Variants in CELF3 observed in about 807,000 individuals in gnomAD.
CELF3 encodes CAG repeat domain.
In CELF3, 26 loss-of-function variants were observed where a neutral mutation model predicts 59.6. The ratio of observed to expected loss-of-function variants is 0.44; its 90% confidence interval spans 0.32 to 0.61. The LOEUF (loss-of-function observed/expected upper bound fraction) is 0.61. Ranked by LOEUF, CELF3 falls within the 20% of genes least tolerant of loss-of-function variation. CELF3 has a pLI of 0.06. For missense variants in CELF3, 387 were observed against 627.2 expected (o/e 0.62, Z 4.09); for synonymous variants, 245 against 250.7 (o/e 0.98, Z 0.22).
In CELF3 at chr1:151,706,674, T is replaced by C; in HGVS notation, c.983A>G (p.Tyr328Cys). ...CCCTGGCTAGGGCGCCTCACCTGTGTAGTGCTGCATCCCCGCGTAGGCCTG... is the reference window on the plus strand; with the variant it reads ...CCCTGGCTAGGGCGCCTCACCTGTGCAGTGCTGCATCCCCGCGTAGGCCTG... ...LQQAYAGMQH[Y>C]TAAYPAAYSL... Residue 328 changes from tyrosine (Y) to cysteine (C), a missense_variant, in exon 9 of 13, where the codon TAC becomes TGC. Physicochemically the swap from Tyr to Cys is radical, Grantham distance 194. Around this residue, in one of 3 missense-constraint regions of CELF3, gnomAD observed 131 missense variants for 153.7 expected, o/e 0.85. Transcript: ENST00000290583. 1 of 1,551,316 alleles carries C rather than the reference T, an allele frequency of 6.4e-7. No individual in the cohort carries two copies.
rs2102770205 is a variant in CELF3 at position 151,705,841 on chromosome 1, G to T, written c.1251C>A (p.Thr417=). The change falls in exon 11 of 13, where the codon ACC becomes ACA. Residue 417 remains threonine (T), a synonymous_variant. Transcript: ENST00000290583. This position sits in a 1 kb window ranked among gnomAD's most constrained non-coding sequence, Gnocchi z 5.1. ...ISAKVFVDRA[T]NQSKCFGFVS... ...TCTTACCAAAACATTTGCTTTGATT[G>T]GTGGCTCGGTCAACAAAGACTTTGG... is the stretch of plus-strand genomic sequence containing the variant. 1 of 1,614,154 alleles carries T rather than the reference G, an allele frequency of 6.2e-7. No individual in the cohort carries two copies. The highest frequency in any genetic ancestry group is 1.6e-4 in the Middle Eastern group (1 of 6,062).
chr1:151,715,697 G>A (rs533553282), intron 1 of CELF3, 179 bp downstream of exon 1: 21 of 1,541,020 alleles, frequency 1.4e-5, no homozygotes, highest in Middle Eastern at 1.7e-4. Flanking sequence ...GTCCTTCACC[G>A]GGGTTTCCTG....
rs1486565909 is a variant in CELF3 at position 151,709,650 on chromosome 1, T to C, written c.277+93A>G. The C allele has an allele frequency of 1.6e-6, 2 of 1,284,840 alleles. No homozygotes were observed. Among genetic ancestry groups the C allele is most frequent in the South Asian group, 1.2e-5 (1 of 84,340 alleles). 79.6% of individuals were successfully genotyped at this position (1,284,840 alleles called of 1,614,324 possible). On this transcript the variant is annotated intron_variant, in intron 3 of 12. Transcript: ENST00000290583. The surrounding 1 kb of genome is among the most constrained non-coding windows in gnomAD (Gnocchi z 4.9). ...TGGGAACTCTTCAGAATCATCAGGC[T>C]TTCTCCCTCAAGAAAGGCTACCCCT... is the stretch of plus-strand genomic sequence containing the variant.
rs1004605733 is a variant in CELF3 at position 151,716,680 on chromosome 1, A to G, written c.-660T>C. ...AGGTCCTCCCCTCAGCCCCCCTCCCACCCCCACCCCAGTCCCCGGGCCTGG... is the reference window on the plus strand; with the variant it reads ...AGGTCCTCCCCTCAGCCCCCCTCCCGCCCCCACCCCAGTCCCCGGGCCTGG... On this transcript the variant is annotated 5_prime_UTR_variant, in exon 1 of 13. Transcript: ENST00000290583. The G allele has an allele frequency of 5.8e-5, 3 of 51,940 alleles. No individual in the cohort carries two copies. Among genetic ancestry groups the G allele is most frequent in the East Asian group, 1.4e-3 (1 of 694 alleles). The allele number at this position is 51,940 out of a possible 1,614,324, so 3.2% of individuals were successfully genotyped here. A position where few individuals can be genotyped will look rare whatever the true frequency, so the allele number is the denominator to read the frequency against.
chr1:151,703,042 G>T lies in CELF3; in HGVS notation c.*417C>A. 2.6e-6 allele frequency: 1 copy of T among 389,170 alleles called. No individual in the cohort carries two copies. The highest frequency in any genetic ancestry group is 1.8e-5 in the South Asian group (1 of 54,422). 24.1% of individuals were successfully genotyped at this position (389,170 alleles called of 1,614,324 possible). A position where few individuals can be genotyped will look rare whatever the true frequency, so the allele number is the denominator to read the frequency against. ...CCTAATGTGGGGAAGAGGCTGGGGTGAGGGTGAGCTGGGAGTGTGTGGCAG... is the reference window on the plus strand; with the variant it reads ...CCTAATGTGGGGAAGAGGCTGGGGTTAGGGTGAGCTGGGAGTGTGTGGCAG... On this transcript the variant is annotated 3_prime_UTR_variant, in exon 13 of 13. Coordinates refer to ENST00000290583, the MANE Select transcript of CELF3 (RefSeq NM_007185.7).
Position 151,701,639 on chromosome 1 carries a change from C to T in CELF3, c.*1820G>A, listed in dbSNP as rs1308217282. Among the ~76,000 whole-genome samples, 2 of 152,126 alleles carry T rather than the reference C, an allele frequency of 1.3e-5. No individual in the cohort carries two copies. Among genetic ancestry groups the T allele is most frequent in the Non-Finnish European group, 2.9e-5 (2 of 68,028 alleles). ...AAAATTATATCCTACCTAGGCTGGG[C>T]GTGGTGGCTCATGCCTGTAATCTGA... On this transcript the variant is annotated 3_prime_UTR_variant, in exon 13 of 13. Coordinates refer to ENST00000290583, the MANE Select transcript of CELF3 (RefSeq NM_007185.7).
In CELF3 at chr1:151,709,719, A is replaced by C; in HGVS notation, c.277+24T>G. 2 of 1,612,672 alleles carry C rather than the reference A, an allele frequency of 1.2e-6. No homozygotes were observed. Among genetic ancestry groups the C allele is most frequent in the Non-Finnish European group, 8.5e-7 (1 of 1,178,652 alleles). Reference sequence around the variant, plus strand: ...GGCCTGGGGGTGGGAGGAGAGGGACAGAGTCCAAAGGCACAGAACCTACCT... The same window carrying C: ...GGCCTGGGGGTGGGAGGAGAGGGACCGAGTCCAAAGGCACAGAACCTACCT... On this transcript the variant is annotated intron_variant, in intron 3 of 12. Coordinates refer to ENST00000290583, the MANE Select transcript of CELF3 (RefSeq NM_007185.7). The surrounding 1 kb of genome is among the most constrained non-coding windows in gnomAD (Gnocchi z 4.9).
In CELF3 at chr1:151,709,749, G is replaced by A; in HGVS notation, c.271C>T (p.Arg91Ter). Residue 91 changes from arginine (R) to a stop codon, truncating the protein, a stop_gained, in exon 3 of 13, where the codon CGA (arginine) becomes TGA (stop). Coordinates refer to ENST00000290583, the MANE Select transcript of CELF3 (RefSeq NM_007185.7). LOFTEE classifies it high-confidence loss of function. This position sits in a 1 kb window ranked among gnomAD's most constrained non-coding sequence, Gnocchi z 4.9. Reference sequence around the variant, plus strand: ...CCAAAGGCACAGAACCTACCTCCTCGGCTCTCGCTGTCGGCTGGCTTGACC... The same window carrying A: ...CCAAAGGCACAGAACCTACCTCCTCAGCTCTCGCTGTCGGCTGGCTTGACC... ...IQVKPADSES[R>*]GEDRKLFVGM... The A allele has an allele frequency of 1.2e-6, 2 of 1,614,108 alleles. No individual in the cohort carries two copies. The highest frequency in any genetic ancestry group is 1.1e-5 in the South Asian group (1 of 91,080).
intron 9 of CELF3, 90 bp downstream of exon 9, chr1:151,706,579 G>A (rs1002989066): frequency 1.2e-5 from 17 of 1,386,262 alleles, no homozygotes; most frequent in Non-Finnish European, 1.5e-5. Flanking sequence ...TGATTGGCAG[G>A]GAGCCAAGAA....
rs1041075641 is a variant in CELF3, at chr1:151,701,867, G to A, written c.*1592C>T. Among the ~76,000 whole-genome samples the A allele has an allele frequency of 6.6e-6, 1 of 152,194 alleles. No individual in the cohort carries two copies. The highest frequency in any genetic ancestry group is 1.5e-5 in the Non-Finnish European group (1 of 68,040). On this transcript the variant is annotated 3_prime_UTR_variant, in exon 13 of 13. Coordinates refer to ENST00000290583, the MANE Select transcript of CELF3 (RefSeq NM_007185.7). ...TGAACCAGGAGTTCAAGGTTGCAGT[G>A]AGCTATGATCTCACCATCACACTCC...
Position 151,709,445 on chromosome 1 carries a change from C to A in CELF3, c.278-97G>T, listed in dbSNP as rs868264605. 1.3e-6 allele frequency: 2 copies of A among 1,539,982 alleles called. No homozygotes were observed. Among genetic ancestry groups the A allele is most frequent in the Middle Eastern group, 3.5e-4 (2 of 5,780 alleles). ...TTCCCTGGAGCTCCTAACACTACTT[C>A]TGCTACCCTTAGGGTCCAATGGCTG... On this transcript the variant is annotated intron_variant, in intron 3 of 12. Transcript: ENST00000290583. The surrounding 1 kb of genome is among the most constrained non-coding windows in gnomAD (Gnocchi z 4.9).
rs887146178 is a variant in CELF3 at position 151,701,605 on chromosome 1, C to T, written c.*1854G>A. On this transcript the variant is annotated 3_prime_UTR_variant, in exon 13 of 13. Coordinates refer to ENST00000290583, the MANE Select transcript of CELF3 (RefSeq NM_007185.7). Reference sequence around the variant, plus strand: ...TAGTTAACCTTCCAAGCCTCCTTTTCCCATCTATAAAATTATATCCTACCT... The same window carrying T: ...TAGTTAACCTTCCAAGCCTCCTTTTTCCATCTATAAAATTATATCCTACCT... Among the ~76,000 whole-genome samples the T allele has an allele frequency of 1.2e-4, 18 of 152,124 alleles. No homozygotes were observed. Among genetic ancestry groups the T allele is most frequent in the Non-Finnish European group, 2.4e-4 (16 of 68,018 alleles).
At position 151,716,692 on chromosome 1, in the gene CELF3, G is replaced by T. The variant is rs1281847801; in HGVS notation, c.-672C>A. On this transcript the variant is annotated 5_prime_UTR_variant, in exon 1 of 13. It adds an upstream start codon to the 5' untranslated region. Transcript: ENST00000290583. ...CAGCCCCCCTCCCACCCCCACCCCA[G>T]TCCCCGGGCCTGGGCTGCTGCCGGC... is the stretch of plus-strand genomic sequence containing the variant. 4 of 65,702 alleles carry T rather than the reference G, an allele frequency of 6.1e-5. No homozygotes were observed. The highest frequency in any genetic ancestry group is 1.0e-4 in the Non-Finnish European group (3 of 30,094). 4.1% of individuals were successfully genotyped at this position (65,702 alleles called of 1,614,324 possible).
chr1:151,713,817 A>C (rs1006294449), intron 2 of CELF3, among the ~76,000 whole-genome samples: 1 of 152,144 alleles, frequency 6.6e-6, no homozygotes, highest in African/African-American at 2.4e-5. Flanking sequence ...TTGCTTTCCT[A>C]GCAGTACTCA....
At chr1:151,714,317 C>G in intron 2 of CELF3, 1 of 599,984 alleles carries the variant, frequency 1.7e-6, no homozygotes, top group Non-Finnish European at 3.0e-6. Context: ...AGTCCTCCCT[C>G]TAGTGTTGCC....
Position 151,710,195 on chromosome 1 carries a change from A to G in CELF3, c.229-404T>C, listed in dbSNP as rs200115646. 11 of 260,442 alleles carry G rather than the reference A, an allele frequency of 4.2e-5. No homozygotes were observed. The East Asian group carries it at 9.1e-4, about 22-fold the overall frequency. The allele number at this position is 260,442 out of a possible 1,614,324, so 16.1% of individuals were successfully genotyped here. A position where few individuals can be genotyped will look rare whatever the true frequency, so the allele number is the denominator to read the frequency against. On this transcript the variant is annotated intron_variant, in intron 2 of 12. Transcript: ENST00000290583. Reference sequence around the variant, plus strand: ...CAGAGGCCACTCTGAAGAAGCCCCAAGGAGGACTCTAGACTGAGGGAGACC... The same window carrying G: ...CAGAGGCCACTCTGAAGAAGCCCCAGGGAGGACTCTAGACTGAGGGAGACC...
intron 10 of CELF3, 109 bp downstream of exon 10, chr1:151,706,115 C>G (rs1672496510): frequency 8.1e-6 from 13 of 1,600,736 alleles, no homozygotes; most frequent in Non-Finnish European, 1.1e-5. Flanking sequence ...TCCCTCCCCA[C>G]TTGCTTTCAT....
chr1:151,704,450 A>C (rs919290295), intron 12 of CELF3, among the ~76,000 whole-genome samples: 1 of 152,152 alleles, frequency 6.6e-6, no homozygotes, highest in Non-Finnish European at 1.5e-5. Context: ...AAACCAGAGC[A>C]ACTCCCAAGA....
In CELF3 at chr1:151,709,422, C is replaced by T. The variant is rs572226820; in HGVS notation, c.278-74G>A. ...CCTTCCCAGCCCTTCTTCCGCCCTT[C>T]CCTGGAGCTCCTAACACTACTTCTG... On this transcript the variant is annotated intron_variant, in intron 3 of 12. Transcript: ENST00000290583. This position sits in a 1 kb window ranked among gnomAD's most constrained non-coding sequence, Gnocchi z 4.9. The T allele has an allele frequency of 2.3e-5, 36 of 1,596,640 alleles. No individual in the cohort carries two copies. In the South Asian group the frequency reaches 3.3e-4, roughly 15 times the overall value.
Sources: gnomAD v4.1 joint callset for allele counts (sites outside exome capture counted in the v4.1 genomes callset) on GRCh38, gnomAD v4.1.1 for gene constraint, gnomAD v4.1.1 regional missense constraint, Gnocchi (gnomAD v3.1) non-coding constraint, MANE v1.5 for transcripts, NCBI Gene and HGNC (gene_info 2026-07-23, HGNC 2026-07-21) for gene names.